TRIM9: variants seen among roughly 807,000 people sequenced by gnomAD.
TRIM9 encodes the protein tripartite motif containing 9.
In TRIM9, 26 loss-of-function variants were observed where a neutral mutation model predicts 78.3. The observed-to-expected ratio is 0.33, with a 90% CI of 0.24 to 0.46. The LOEUF (loss-of-function observed/expected upper bound fraction) is 0.46. TRIM9 is among the 20% of genes least tolerant of loss of function. The probability of loss-of-function intolerance (pLI) is 1.00; values close to 1 mark genes in which losing one functional copy is unlikely to be tolerated. For synonymous variants in TRIM9, 398 were observed against 416.5 expected (o/e 0.96, Z 0.54); for missense variants, 787 against 1,036.4 (o/e 0.76, Z 3.30).
chr14:51,080,120 C>G (rs1413408794), intron 1 of TRIM9, among the ~76,000 whole-genome samples: 1 of 151,674 alleles, frequency 6.6e-6, no homozygotes, highest in Non-Finnish European at 1.5e-5. Flanking sequence ...AGAGGCATAG[C>G]AAAACTAAAC....
chr14:51,062,300 T>A (rs545986003), intron 1 of TRIM9, among the ~76,000 whole-genome samples: 6 of 152,340 alleles, frequency 3.9e-5, no homozygotes, highest in African/African-American at 1.2e-4. Flanking sequence ...TCTTTGGGCA[T>A]GCCGTGTAGA....
intron 1 of TRIM9, among the ~76,000 whole-genome samples, chr14:51,028,563 T>C (rs1012629019): frequency 2.6e-5 from 4 of 152,238 alleles, no homozygotes; most frequent in Non-Finnish European, 5.9e-5. Flanking sequence ...ACCAGAACAA[T>C]GAAGATGCAA....
At chr14:50,988,240 T>C (rs891540705) in intron 7 of TRIM9, 1 of 152,162 alleles carries the variant, frequency 6.6e-6, no homozygotes, top group Non-Finnish European at 1.5e-5. Context: ...AATTTCAGAG[T>C]GCATTGAATT....
At chr14:51,061,787 A>T (rs1207232852) in intron 1 of TRIM9, among the ~76,000 whole-genome samples, 2 of 152,144 alleles carry the variant, frequency 1.3e-5, no homozygotes, top group Non-Finnish European at 2.9e-5. Flanking sequence ...CATTTATCCT[A>T]CTCAGGGTTC....
At chr14:50,983,082 G>T in intron 9 of TRIM9, 117 bp from the exon 10 acceptor site, 1 of 973,382 alleles carries the variant, frequency 1.0e-6, no homozygotes, top group Non-Finnish European at 1.6e-6. Context: ...AATTTAAAAT[G>T]CCACATATAC....
chr14:50,990,213 T>C (rs1325069791), intron 7 of TRIM9, among the ~76,000 whole-genome samples: 1 of 152,138 alleles, frequency 6.6e-6, no homozygotes. Context: ...AGACAAGGTC[T>C]TTTTATGTTG....
At chr14:51,010,656 G>A (rs545568014) in intron 3 of TRIM9, among the ~76,000 whole-genome samples, 162 bp from the exon 4 acceptor site, 1 of 152,274 alleles carries the variant, frequency 6.6e-6, no homozygotes, top group South Asian at 2.1e-4. Context: ...GGGGATAAGG[G>A]CTCTGGAAGA....
chr14:50,981,919 A>C lies in TRIM9; in HGVS notation c.2043T>G (p.Phe681Leu). ...TCATCACGTCCATGCGAGCCACACCAAAGGCAGGATCAGGGTGGTTGTCAT... is the reference window on the plus strand; with the variant it reads ...TCATCACGTCCATGCGAGCCACACCCAAGGCAGGATCAGGGTGGTTGTCAT... ...DRYDNHPDPA[F>L]GVARMDVMKD... The change falls in exon 11 of 13, where the codon TTT becomes TTG. Residue 681 changes from phenylalanine to leucine, a missense_variant. Phe to Leu is a conservative substitution (Grantham distance 22, BLOSUM62 0). Around this residue, in one of 3 missense-constraint regions of TRIM9, gnomAD observed 421 missense variants for 514.3 expected, o/e 0.82. Coordinates refer to ENST00000684578, the MANE Select transcript of TRIM9 (RefSeq NM_001387360.1). 1 of 1,614,176 alleles carries C rather than the reference A, an allele frequency of 6.2e-7. No homozygotes were observed. The highest frequency in any genetic ancestry group is 8.5e-7 in the Non-Finnish European group (1 of 1,180,036).
chr14:51,052,904 C>A (rs536327639), intron 1 of TRIM9, among the ~76,000 whole-genome samples: 2 of 152,188 alleles, frequency 1.3e-5, no homozygotes, highest in Non-Finnish European at 1.5e-5. Context: ...TGCCTATAAT[C>A]CCAACATTTT....
At chr14:51,029,902 C>T (rs1477952995) in intron 1 of TRIM9, among the ~76,000 whole-genome samples, 1 of 152,190 alleles carries the variant, frequency 6.6e-6, no homozygotes, top group South Asian at 2.1e-4. Context: ...CAGGCCAAAA[C>T]AATTGTTTAA....
At chr14:51,041,501 T>C (rs2059575665) in intron 1 of TRIM9, among the ~76,000 whole-genome samples, 1 of 152,184 alleles carries the variant, frequency 6.6e-6, no homozygotes, top group Non-Finnish European at 1.5e-5. Context: ...GTGTAGGGAA[T>C]AGGTTTTAAA....
chr14:51,008,387 G>A (rs1222835142), intron 5 of TRIM9, among the ~76,000 whole-genome samples: 2 of 152,162 alleles, frequency 1.3e-5, no homozygotes, highest in African/African-American at 2.4e-5. Flanking sequence ...AACTTCTTGT[G>A]TATTTCAAAA....
At chr14:50,992,306 G>A (rs982081206) in intron 7 of TRIM9, among the ~76,000 whole-genome samples, 19 of 152,142 alleles carry the variant, frequency 1.2e-4, no homozygotes, top group African/African-American at 2.4e-4. Context: ...AGCTGGGCAC[G>A]GTGGCTCATG....
chr14:51,075,029 C>T (rs192509817), intron 1 of TRIM9, among the ~76,000 whole-genome samples: 25 of 152,342 alleles, frequency 1.6e-4, no homozygotes, highest in Admixed American at 1.4e-3. Context: ...AGACTCTTGT[C>T]AGGAACTGAG....
intron 1 of TRIM9, among the ~76,000 whole-genome samples, chr14:51,067,155 C>T (rs2061818286): frequency 6.6e-6 from 1 of 152,162 alleles, no homozygotes; most frequent in Admixed American, 6.5e-5. Flanking sequence ...TATTTCCTCC[C>T]TCAACATGTT....
At chr14:51,040,407 C>A (rs984027828) in intron 1 of TRIM9, among the ~76,000 whole-genome samples, 1 of 152,138 alleles carries the variant, frequency 6.6e-6, no homozygotes, top group Non-Finnish European at 1.5e-5. Flanking sequence ...CCCGGCAGCA[C>A]CCGACATCTA....
intron 1 of TRIM9, among the ~76,000 whole-genome samples, chr14:51,038,743 C>T (rs922207079): frequency 1.1e-4 from 16 of 152,230 alleles, no homozygotes; most frequent in African/African-American, 3.9e-4. Context: ...AACAGCCCCT[C>T]CTGCCAATCA....
At chr14:50,983,118 C>A (rs762742245) in intron 9 of TRIM9, among the ~76,000 whole-genome samples, 153 bp from the exon 10 acceptor site, 1 of 152,182 alleles carries the variant, frequency 6.6e-6, no homozygotes, top group Non-Finnish European at 1.5e-5. Flanking sequence ...TGACTTGTAC[C>A]TTTACCCACA....
At chr14:51,068,293 C>T (rs1241171763) in intron 1 of TRIM9, among the ~76,000 whole-genome samples, 1 of 151,934 alleles carries the variant, frequency 6.6e-6, no homozygotes, top group African/African-American at 2.4e-5. Flanking sequence ...ACACTCAAAG[C>T]AGAAAAATAA....
Sources: gnomAD v4.1 joint callset for allele counts (sites outside exome capture counted in the v4.1 genomes callset) on GRCh38, gnomAD v4.1.1 for gene constraint, gnomAD v4.1.1 regional missense constraint, MANE v1.5 for transcripts, NCBI Gene and HGNC (gene_info 2026-07-23, HGNC 2026-07-21) for gene names.